Variants in MCCC2 observed in about 807,000 individuals in gnomAD.
The protein encoded by MCCC2 is methylcrotonoyl-CoA carboxylase beta chain, mitochondrial.
MCCC2 carries 52 observed loss-of-function variants against 77.2 expected under a neutral mutation model. The observed-to-expected ratio is 0.67, with a 90% confidence interval of 0.54 to 0.85. MCCC2 has a LOEUF of 0.85. Among genes scored for constraint, MCCC2 ranks in the 40% least tolerant of loss-of-function variants. MCCC2 has a pLI of 0.00. For missense variants in MCCC2, 682 were observed against 703.2 expected, an observed-to-expected ratio of 0.97 and a Z score of 0.34; for synonymous variants, 253 against 248.4, an observed-to-expected ratio of 1.02 and a Z score of -0.18.
intron 6 of MCCC2, among the ~76,000 whole-genome samples, chr5:71,609,662 A>G (rs1745835266): frequency 6.6e-6 from 1 of 150,818 alleles, no homozygotes; most frequent in South Asian, 2.1e-4. Context: ...TAGAGTTTCC[A>G]GTTTTTCTGT....
intron 6 of MCCC2, among the ~76,000 whole-genome samples, chr5:71,613,910 T>C (rs1351208043): frequency 1.3e-5 from 2 of 151,566 alleles, no homozygotes; most frequent in African/African-American, 4.8e-5. Flanking sequence ...CTATGGAGAC[T>C]CAATATATGA....
intron 6 of MCCC2, among the ~76,000 whole-genome samples, chr5:71,626,113 A>G (rs998416467): frequency 2.0e-5 from 3 of 152,170 alleles, no homozygotes; most frequent in Non-Finnish European, 4.4e-5. Flanking sequence ...CCCAACTTCA[A>G]TACAATCGAC....
chr5:71,591,438 T>G (rs1213469771), intron 1 of MCCC2, among the ~76,000 whole-genome samples: 20 of 148,908 alleles, frequency 1.3e-4, no homozygotes, highest in South Asian at 6.4e-4. Context: ...TGTTCTGTTT[T>G]TTTTTTTTTT....
chr5:71,622,058 G>A (rs999982390), intron 6 of MCCC2, among the ~76,000 whole-genome samples: 7 of 152,102 alleles, frequency 4.6e-5, no homozygotes, highest in Admixed American at 1.3e-4. Context: ...AAGGTGGGAG[G>A]ATCGCTTGAG....
chr5:71,650,157 G>C lies in MCCC2; in HGVS notation c.1462G>C (p.Asp488His). 6.2e-7 allele frequency: 1 copy of C among 1,614,138 alleles called. No homozygotes were observed. The highest frequency in any genetic ancestry group is 1.3e-5 in the African/African-American group (1 of 75,060). The change falls in exon 15 of 17, where the codon GAC becomes CAC. Residue 488 changes from aspartate (D) to histidine (H), a missense_variant. Physicochemically the swap from Asp to His is moderately conservative, Grantham distance 81. Transcript: ENST00000340941. ...CAATGTGTTGGCCACGATAACAAAG[G>C]ACCAAAGAGCCCGGGAAGGAAAGCA... ...AANVLATITK[D>H]QRAREGKQFS...
At chr5:71,593,307 C>T (rs1043583002) in intron 2 of MCCC2, among the ~76,000 whole-genome samples, 1 of 152,126 alleles carries the variant, frequency 6.6e-6, no homozygotes, top group Non-Finnish European at 1.5e-5. Flanking sequence ...CCAGGCTGGT[C>T]TTGAACTACT....
At chr5:71,638,598 G>A (rs576801395) in intron 10 of MCCC2, among the ~76,000 whole-genome samples, 5 of 152,072 alleles carry the variant, frequency 3.3e-5, no homozygotes, top group Admixed American at 1.3e-4. Context: ...TTGGCTCACT[G>A]CAACCTCTAT....
intron 6 of MCCC2, among the ~76,000 whole-genome samples, chr5:71,610,758 G>C (rs892074969): frequency 4.6e-5 from 7 of 152,126 alleles, no homozygotes; most frequent in African/African-American, 1.7e-4. Context: ...AGGCCGAGGT[G>C]GGGGGATCAC....
chr5:71,655,285 T>A (rs1423679097), intron 16 of MCCC2, among the ~76,000 whole-genome samples: 1 of 152,220 alleles, frequency 6.6e-6, no homozygotes, highest in Non-Finnish European at 1.5e-5. Flanking sequence ...CCTGGCCTGC[T>A]TAGGTTTGAA....
chr5:71,602,595 A>C lies in MCCC2; in HGVS notation c.473A>C (p.Glu158Ala). Residue 158 changes from glutamate to alanine, a missense_variant, in exon 5 of 17, where the codon GAA (glutamate) becomes GCA (alanine). Physicochemically the swap from Glu to Ala is moderately radical, Grantham distance 107. Transcript: ENST00000340941. ...GTGAAAAAACAATTACGGGCCCAAG[A>C]AATTGCCATGCAAAACAGGCTCCCC... ...VTVKKQLRAQ[E>A]IAMQNRLPCI... is the part of the protein sequence containing the mutation. The C allele has an allele frequency of 6.2e-7, 1 of 1,614,190 alleles. No homozygotes were observed.
chr5:71,625,195 C>T (rs1455523343), intron 6 of MCCC2, among the ~76,000 whole-genome samples: 1 of 152,190 alleles, frequency 6.6e-6, no homozygotes, highest in Non-Finnish European at 1.5e-5. Flanking sequence ...TTTGACATCA[C>T]TGTGACTCTT....
chr5:71,592,933 A>G lies in MCCC2; in HGVS notation c.137A>G (p.Tyr46Cys), dbSNP rs144578800. The G allele has an allele frequency of 1.7e-5, 27 of 1,610,976 alleles. No homozygotes were observed. The African/African-American group carries it at 2.8e-4, about 17-fold the overall frequency. ...DLGSALYQEN[Y>C]KQMKALVNQL... The stretch of plus-strand genomic sequence containing the variant: ...CCTCTATTTCTGTTTTAGGAGAACT[A>G]CAAGCAGATGAAAGCACTAGTAAAT... Residue 46 changes from tyrosine (Y) to cysteine (C), a missense_variant, in exon 2 of 17, where the codon TAC becomes TGC. Transcript: ENST00000340941.
At chr5:71,604,524 C>T (rs952492160) in intron 6 of MCCC2, 56 bp downstream of exon 6, 45 of 1,270,862 alleles carry the variant, frequency 3.5e-5, no homozygotes, top group Middle Eastern at 1.9e-4. Context: ...AGTATCTTTA[C>T]GAATTAGGTA....
chr5:71,619,906 G>A (rs1014617409), intron 6 of MCCC2, among the ~76,000 whole-genome samples: 2 of 151,826 alleles, frequency 1.3e-5, no homozygotes, highest in Non-Finnish European at 2.9e-5. Context: ...CAGTAGAATC[G>A]CTTGGACCCG....
intron 1 of MCCC2, 64 bp from the exon 2 acceptor site, chr5:71,592,854 TGACCTTTA>T: frequency 7.8e-6 from 9 of 1,157,252 alleles, no homozygotes; most frequent in Admixed American, 5.9e-5. Context: ...TTTTTTTTTT[TGACCTTTA>T]TTTTGGTAAA....
At chr5:71,633,150 A>G (rs943566250) in intron 8 of MCCC2, among the ~76,000 whole-genome samples, 1 of 87,406 alleles carries the variant, frequency 1.1e-5, no homozygotes, top group Non-Finnish European at 2.4e-5. Context: ...TTTTGTAGAA[A>G]CAGGTGTCTC....
At chr5:71,642,635 A>G (rs1457129538) in intron 11 of MCCC2, among the ~76,000 whole-genome samples, 1 of 152,206 alleles carries the variant, frequency 6.6e-6, no homozygotes, top group Admixed American at 6.5e-5. Flanking sequence ...CCAGTGAGTG[A>G]TGTGTTAAAT....
intron 15 of MCCC2, among the ~76,000 whole-genome samples, chr5:71,651,775 G>T (rs1005631620): frequency 3.9e-5 from 6 of 152,166 alleles, no homozygotes; most frequent in Non-Finnish European, 5.9e-5. Flanking sequence ...GGGTGTGGGT[G>T]TGTGGGTGGG....
chr5:71,644,073 G>A (rs1348856819), intron 12 of MCCC2, among the ~76,000 whole-genome samples, 178 bp downstream of exon 12: 17 of 44,090 alleles, frequency 3.9e-4, no homozygotes, highest in African/African-American at 1.0e-3. Context: ...GTGTGTGTGC[G>A]CGCGTGTGTA....
Sources: gnomAD v4.1 joint callset for allele counts (sites outside exome capture counted in the v4.1 genomes callset) on GRCh38, gnomAD v4.1.1 for gene constraint, MANE v1.5 for transcripts, NCBI Gene and HGNC (gene_info 2026-07-23, HGNC 2026-07-21) for gene names.